Variants in ABCA8 observed in about 807,000 individuals in gnomAD.
ABCA8 encodes the protein ATP binding cassette subfamily A member 8, also known as ABC-type organic anion transporter ABCA8.
In ABCA8, 177 loss-of-function variants were observed where a neutral mutation model predicts 192.3. The observed-to-expected ratio is 0.92, with a 90% CI of 0.81 to 1.04. The LOEUF (loss-of-function observed/expected upper bound fraction) is 1.04, where lower values mean the gene tolerates loss of function less well. Among genes scored for constraint, ABCA8 ranks in the 50% least tolerant of loss-of-function variants. The pLI is 0.00. For synonymous variants in ABCA8, 642 were observed against 690.2 expected (o/e 0.93, Z 1.09); for missense variants, 1,915 against 1,904.8 (o/e 1.01, Z -0.10).
chr17:68,884,229 T>A (rs2066403196), intron 28 of ABCA8, 102 bp downstream of exon 28: 3 of 1,063,504 alleles, frequency 2.8e-6, no homozygotes, highest in Admixed American at 3.5e-5. Flanking sequence ...TATAGATACC[T>A]GTATCTCTAA....
chr17:68,923,217 T>TTGA (rs1390855354), intron 11 of ABCA8, among the ~76,000 whole-genome samples: 2 of 151,440 alleles, frequency 1.3e-5, no homozygotes, highest in South Asian at 2.1e-4. Flanking sequence ...TTTTTTTTTT[T>TTGA]GAGAGAGAGT....
chr17:68,922,587 A>G (rs1371439208), intron 11 of ABCA8, among the ~76,000 whole-genome samples: 1 of 152,126 alleles, frequency 6.6e-6, no homozygotes, highest in Non-Finnish European at 1.5e-5. Context: ...TAATATTAGT[A>G]TTGAGAACGG....
intron 4 of ABCA8, 137 bp from the exon 5 acceptor site, chr17:68,937,252 C>A: frequency 2.7e-6 from 2 of 732,002 alleles, no homozygotes; most frequent in South Asian, 4.9e-5. Flanking sequence ...GAAAGTTAGA[C>A]TAAAATGTTG....
intron 10 of ABCA8, 102 bp from the exon 11 acceptor site, chr17:68,924,971 T>A: frequency 8.0e-7 from 1 of 1,246,780 alleles, no homozygotes; most frequent in Non-Finnish European, 1.1e-6. Context: ...TTGCTAAACC[T>A]GAACATGTGG....
intron 21 of ABCA8, among the ~76,000 whole-genome samples, chr17:68,896,654 T>C (rs1024694479): frequency 1.3e-5 from 2 of 152,158 alleles, no homozygotes; most frequent in African/African-American, 4.8e-5. Context: ...TCACAGTGCT[T>C]GTGTTCAGTT....
intron 11 of ABCA8, 55 bp from the exon 12 acceptor site, chr17:68,922,355 C>T: frequency 1.7e-6 from 2 of 1,194,450 alleles, no homozygotes; most frequent in Non-Finnish European, 1.1e-6. Flanking sequence ...TTGTAATTTC[C>T]AGTTTGGTAG....
At chr17:68,869,987 T>G (rs1343412775) in intron 37 of ABCA8, among the ~76,000 whole-genome samples, 1 of 152,194 alleles carries the variant, frequency 6.6e-6, no homozygotes, top group Non-Finnish European at 1.5e-5. Context: ...TTCACATTTT[T>G]CTGTGTTCTG....
Position 68,885,208 on chromosome 17 carries a change from G to C in ABCA8, c.3537C>G (p.Phe1179Leu). 1.9e-6 allele frequency: 3 copies of C among 1,613,110 alleles called. No homozygotes were observed. Among genetic ancestry groups the C allele is most frequent in the Non-Finnish European group, 2.5e-6 (3 of 1,179,560 alleles). The change falls in exon 27 of 40, where the codon TTC becomes TTG. Residue 1179 changes from phenylalanine to leucine, a missense_variant. Transcript: ENST00000586539. ...TGTCATTACTTACATGAGAAGATAA[G>C]AACAAACAGCCAATCATTGTGGCAG... ...IPPATMIGCL[F>L]LSSHLLFSSL...
intron 23 of ABCA8, among the ~76,000 whole-genome samples, chr17:68,893,350 G>A (rs1255546366): frequency 6.6e-6 from 1 of 152,084 alleles, no homozygotes; most frequent in African/African-American, 2.4e-5. Flanking sequence ...TATACATTCC[G>A]ATCACTTGGA....
chr17:68,924,641 C>G (rs530141134), intron 11 of ABCA8, 60 bp downstream of exon 11: 2 of 1,552,960 alleles, frequency 1.3e-6, no homozygotes, highest in Admixed American at 3.8e-5. Context: ...CTGCTTGCCT[C>G]AGGTGCTATC....
intron 10 of ABCA8, 147 bp from the exon 11 acceptor site, chr17:68,925,016 G>A (rs1257158094): frequency 3.6e-5 from 23 of 640,552 alleles, no homozygotes; most frequent in Admixed American, 6.7e-5. Flanking sequence ...GACACATGTA[G>A]CTTCATAAGG....
chr17:68,907,769 A>G lies in ABCA8; in HGVS notation c.2249T>C (p.Leu750Ser). Residue 750 changes from leucine (L) to serine (S), a missense_variant, in exon 18 of 40, where the codon TTA (leucine) becomes TCA (serine). By Grantham distance (145) the Leu-to-Ser change is moderately radical (BLOSUM62 -2). Transcript: ENST00000586539. The part of the protein sequence containing the change: ...AKSEGKLIYT[L>S]PLERTNKFPE... ...AAATTTATTTGTTCTTTCTAAGGGTAATGTATAAATAAGTTTTCCTTCGCT... is the reference window on the plus strand; with the variant it reads ...AAATTTATTTGTTCTTTCTAAGGGTGATGTATAAATAAGTTTTCCTTCGCT... The G allele has an allele frequency of 6.2e-7, 1 of 1,605,676 alleles. No homozygotes were observed. The highest frequency in any genetic ancestry group is 8.5e-7 in the Non-Finnish European group (1 of 1,176,728).
chr17:68,881,075 T>G (rs1260261892), intron 32 of ABCA8, 45 bp downstream of exon 32: 1 of 1,324,836 alleles, frequency 7.5e-7, no homozygotes, highest in Non-Finnish European at 1.1e-6. Flanking sequence ...ATCTTATCAA[T>G]CTATTTCACC....
chr17:68,916,222 TTATA>T (rs1306079423), intron 17 of ABCA8, among the ~76,000 whole-genome samples: 1 of 152,008 alleles, frequency 6.6e-6, no homozygotes, highest in Non-Finnish European at 1.5e-5. Flanking sequence ...TCTTCACAGA[TTATA>T]TTACATGTGA....
intron 17 of ABCA8, among the ~76,000 whole-genome samples, chr17:68,914,820 G>T (rs781770485): frequency 1.3e-5 from 2 of 151,758 alleles, no homozygotes; most frequent in Non-Finnish European, 2.9e-5. Flanking sequence ...ACCACAAAAG[G>T]CCCAGAGTAG....
intron 10 of ABCA8, among the ~76,000 whole-genome samples, chr17:68,926,748 A>G (rs1316654573): frequency 2.0e-5 from 3 of 152,234 alleles, no homozygotes; most frequent in Non-Finnish European, 2.9e-5. Context: ...TAATTCTTAA[A>G]GGATTGTCTT....
Position 68,929,056 on chromosome 17 carries a change from A to G in ABCA8, c.1118T>C (p.Met373Thr). ...ATTCAGATGGCATCTCACCTGGGCCATTCCAAGCATGAAGGCAAAGGGACT... is the reference window on the plus strand; with the variant it reads ...ATTCAGATGGCATCTCACCTGGGCCGTTCCAAGCATGAAGGCAAAGGGACT... The part of the protein sequence containing the change: ...LLSPFAFMLG[M>T]AQLLHLDYDL... Residue 373 changes from methionine to threonine, a missense_variant, in exon 9 of 40, where the codon ATG (methionine) becomes ACG (threonine). Physicochemically the swap from Met to Thr is moderately conservative, Grantham distance 81. Coordinates refer to ENST00000586539, the MANE Select transcript of ABCA8 (RefSeq NM_001288985.2). 6.4e-7 allele frequency: 1 copy of G among 1,564,804 alleles called. No homozygotes were observed. The highest frequency in any genetic ancestry group is 8.7e-7 in the Non-Finnish European group (1 of 1,154,440).
At chr17:68,930,563 TA>T (rs1164858173) in intron 7 of ABCA8, among the ~76,000 whole-genome samples, 1 of 152,162 alleles carries the variant, frequency 6.6e-6, no homozygotes. Flanking sequence ...CTCACACACA[TA>T]GCAATTAATA....
intron 30 of ABCA8, 87 bp downstream of exon 30, chr17:68,882,512 C>T (rs946338119): frequency 8.1e-6 from 10 of 1,238,048 alleles, no homozygotes; most frequent in Non-Finnish European, 1.1e-5. Context: ...TAGTGATCCT[C>T]ATTTGTAAGG....
Sources: gnomAD v4.1 joint callset for allele counts (sites outside exome capture counted in the v4.1 genomes callset) on GRCh38, gnomAD v4.1.1 for gene constraint, MANE v1.5 for transcripts, NCBI Gene and HGNC (gene_info 2026-07-23, HGNC 2026-07-21) for gene names.